The following PRR5 variants were observed in gnomAD, a reference collection of about 807,000 sequenced individuals.
The protein encoded by PRR5 is proline-rich protein 5.
In PRR5, 25 loss-of-function variants were observed where a neutral mutation model predicts 30.6. The ratio of observed to expected loss-of-function variants is 0.82; its 90% CI spans 0.60 to 1.14. The LOEUF is 1.14. Ranked by LOEUF, PRR5 falls within the 50% of genes most tolerant of loss-of-function variation. The pLI is 0.00. For synonymous variants in PRR5, 286 were observed against 247.1 expected, an observed-to-expected ratio of 1.16 and a Z score of -1.48; for missense variants, 600 against 547.1, an observed-to-expected ratio of 1.10 and a Z score of -0.96.
At chr22:44,724,477 A>G (rs1427290980) in intron 2 of PRR5, among the ~76,000 whole-genome samples, 1 of 152,174 alleles carries the variant, frequency 6.6e-6, no homozygotes, top group Non-Finnish European at 1.5e-5. Context: ...ATAGCAACCT[A>G]AAAAGTAAGA....
chr22:44,719,568 T>C (rs2147103675), intron 2 of PRR5, among the ~76,000 whole-genome samples: 1 of 152,274 alleles, frequency 6.6e-6, no homozygotes, highest in South Asian at 2.1e-4. Context: ...TGAGGTCCGT[T>C]TCCCCTGTGC....
At chr22:44,729,520 A>G in intron 4 of PRR5, 8 of 985,490 alleles carry the variant, frequency 8.1e-6, no homozygotes, top group Non-Finnish European at 9.6e-6. Flanking sequence ...GCAAACGCCC[A>G]GTGCTGTTTC....
chr22:44,669,478 A>G (rs1459966032), intron 1 of PRR5, among the ~76,000 whole-genome samples: 1 of 152,310 alleles, frequency 6.6e-6, no homozygotes, highest in African/African-American at 2.4e-5. Flanking sequence ...CTGTAAGGTC[A>G]GAACCTGGGG....
chr22:44,675,508 T>C (rs1923688824), upstream of PRR5, among the ~76,000 whole-genome samples: 2 of 152,206 alleles, frequency 1.3e-5, no homozygotes, highest in South Asian at 4.1e-4. Context: ...ATCTGTCCCA[T>C]GGCTGTTCTG....
Position 44,736,955 on chromosome 22 carries a change from C to G in PRR5, c.875C>G (p.Pro292Arg). The change falls in exon 8 of 8, where the codon CCT becomes CGT. Residue 292 changes from proline to arginine, a missense_variant. Transcript: ENST00000336985. The stretch of plus-strand genomic sequence containing the variant: ...TCGGAGATGACGTCCTGCCCCGAGC[C>G]TCAGGGCTTCTCCGACCCGCCCGGC... ...SVSEMTSCPE[P>R]QGFSDPPGQG... The G allele has an allele frequency of 6.2e-7, 1 of 1,604,146 alleles. No homozygotes were observed. Among genetic ancestry groups the G allele is most frequent in the East Asian group, 2.2e-5 (1 of 44,642 alleles).
intron 2 of PRR5, among the ~76,000 whole-genome samples, chr22:44,716,582 T>C (rs757618847): frequency 6.6e-6 from 1 of 151,856 alleles, no homozygotes; most frequent in African/African-American, 2.4e-5. Context: ...CCCTGAGGAG[T>C]AGATGCCTTG....
At chr22:44,688,064 C>T (rs1033761942) in intron 1 of PRR5, among the ~76,000 whole-genome samples, 28 of 151,326 alleles carry the variant, frequency 1.9e-4, no homozygotes, top group Admixed American at 1.1e-3. Context: ...CGTGAGCCAC[C>T]GCACCCGGCC....
upstream of PRR5, among the ~76,000 whole-genome samples, chr22:44,698,256 C>T (rs943237971): frequency 3.3e-5 from 5 of 151,986 alleles, no homozygotes; most frequent in Non-Finnish European, 4.4e-5. Context: ...TGCCATCGGG[C>T]CTGGCACCTT....
chr22:44,703,068 C>T (rs1926608381), intron 1 of PRR5, among the ~76,000 whole-genome samples: 1 of 152,190 alleles, frequency 6.6e-6, no homozygotes, highest in Non-Finnish European at 1.5e-5. Flanking sequence ...TCGGCTTTCC[C>T]TTGAGAGGCC....
chr22:44,679,800 A>T, intron 1 of PRR5: 2 of 1,597,590 alleles, frequency 1.3e-6, no homozygotes, highest in Non-Finnish European at 1.7e-6. Context: ...ACATAGAGCC[A>T]TGGTGTGTTT....
Position 44,721,806 on chromosome 22 carries a change from C to T in PRR5, c.216-3438C>T, listed in dbSNP as rs568794817. Among the ~76,000 whole-genome samples the T allele has an allele frequency of 5.3e-5, 8 of 152,310 alleles. No individual in the cohort carries two copies. The East Asian group carries it at 9.6e-4, about 18-fold the overall frequency. ...AGTCACATGGCGTGCTAGCAAGCACCGGGGCCTGCCCTCCAGCCCTGACTT... is the reference window on the plus strand; with the variant it reads ...AGTCACATGGCGTGCTAGCAAGCACTGGGGCCTGCCCTCCAGCCCTGACTT... On this transcript the variant is annotated intron_variant, in intron 2 of 7. Coordinates refer to ENST00000336985, the MANE Select transcript of PRR5 (RefSeq NM_181333.4).
chr22:44,727,714 T>C (rs1185405316), intron 4 of PRR5, among the ~76,000 whole-genome samples: 1 of 152,100 alleles, frequency 6.6e-6, no homozygotes, highest in Non-Finnish European at 1.5e-5. Flanking sequence ...AAAGAGCTAC[T>C]AGCCCACTCC....
upstream of PRR5, among the ~76,000 whole-genome samples, chr22:44,701,841 C>T (rs1468499325): frequency 6.6e-6 from 1 of 152,086 alleles, no homozygotes; most frequent in South Asian, 2.1e-4. Context: ...CTCTGTGGCA[C>T]AGCCTTTGCG....
chr22:44,677,440 G>A (rs75655022), intron 1 of PRR5, among the ~76,000 whole-genome samples: 7,169 of 152,264 alleles, frequency 0.047, 345 homozygotes, highest in African/African-American at 0.12. Flanking sequence ...GTGTCTGTCC[G>A]CCCTGATGTG....
intron 1 of PRR5, among the ~76,000 whole-genome samples, chr22:44,694,143 G>A (rs938018179): frequency 1.3e-5 from 2 of 152,186 alleles, no homozygotes; most frequent in South Asian, 2.1e-4. Flanking sequence ...GGGCCAGCAC[G>A]TCATTGTCAG....
intron 4 of PRR5, among the ~76,000 whole-genome samples, chr22:44,728,459 AGACACG>A (rs898990643): frequency 6.6e-6 from 1 of 152,222 alleles, no homozygotes; most frequent in African/African-American, 2.4e-5. Flanking sequence ...TTGGGGACAC[AGACACG>A]GACCCGAGGG....
intron 6 of PRR5, among the ~76,000 whole-genome samples, chr22:44,733,635 C>T (rs1159304081): frequency 6.6e-6 from 1 of 152,122 alleles, no homozygotes; most frequent in African/African-American, 2.4e-5. Context: ...CGGTCTTTAA[C>T]AGAGGGAGGC....
At chr22:44,721,772 C>G (rs1417322288) in intron 2 of PRR5, among the ~76,000 whole-genome samples, 1 of 152,178 alleles carries the variant, frequency 6.6e-6, no homozygotes, top group Non-Finnish European at 1.5e-5. Context: ...GGGGAGGGGT[C>G]TCGTCCAGAG....
At chr22:44,714,218 G>A (rs1331553397) in intron 1 of PRR5, among the ~76,000 whole-genome samples, 2 of 152,234 alleles carry the variant, frequency 1.3e-5, no homozygotes, top group African/African-American at 4.8e-5. Context: ...GTAGAGAAGG[G>A]GCAACAGTCC....
Sources: allele counts gnomAD v4.1 joint callset (sites outside exome capture counted in the v4.1 genomes callset), GRCh38; gene constraint gnomAD v4.1.1; transcripts MANE v1.5; gene names NCBI Gene and HGNC (gene_info 2026-07-23, HGNC 2026-07-21).